The following LETM2 variants were observed in gnomAD, a reference collection of about 807,000 sequenced individuals.
LETM2 encodes the protein LETM1 domain-containing protein LETM2, mitochondrial.
A neutral mutation model predicts 59.6 loss-of-function variants in LETM2; 58 were observed. The ratio of observed to expected loss-of-function variants is 0.97; its 90% confidence interval spans 0.79 to 1.21. LETM2 has a LOEUF of 1.21. LETM2 is among the 50% of genes most tolerant of loss of function. The pLI is 0.00. For missense variants in LETM2, 572 were observed against 575.7 expected (o/e 0.99, Z 0.07); for synonymous variants, 199 against 214.1 (o/e 0.93, Z 0.62).
chr8:38,399,829 CCAGCTATT>C (rs1704981732), intron 4 of LETM2, among the ~76,000 whole-genome samples: 2 of 151,464 alleles, frequency 1.3e-5, no homozygotes, highest in South Asian at 4.2e-4. Context: ...ACCTGTAATC[CCAGCTATT>C]CAGGAGGCTG....
Position 38,404,335 on chromosome 8 carries a change from G to A in LETM2, c.1105-58G>A, listed in dbSNP as rs1813516593. The A allele has an allele frequency of 4.1e-6, 5 of 1,206,118 alleles. No homozygotes were observed. In the South Asian group the frequency reaches 6.3e-5, roughly 15 times the overall value. The allele number at this position is 1,206,118 out of a possible 1,614,324, so 74.7% of individuals were successfully genotyped here. ...TCAGCCAGGGAGGGTAGATGACCGCGGATCACTCTGGCTCTGGTGTTCTGA... is the reference window on the plus strand; with the variant it reads ...TCAGCCAGGGAGGGTAGATGACCGCAGATCACTCTGGCTCTGGTGTTCTGA... On this transcript the variant is annotated intron_variant, in intron 7 of 10. Transcript: ENST00000379957.
chr8:38,403,158 G>A (rs1200739884), intron 7 of LETM2, among the ~76,000 whole-genome samples: 1 of 152,014 alleles, frequency 6.6e-6, no homozygotes, highest in Non-Finnish European at 1.5e-5. Flanking sequence ...AATTTCCCCC[G>A]TGTTTGACCT....
In LETM2 at chr8:38,400,905, T is replaced by A; in HGVS notation, c.836T>A (p.Leu279Gln). Residue 279 changes from leucine to glutamine, a missense_variant, in exon 6 of 11, where the codon CTA (leucine) becomes CAA (glutamine). Transcript: ENST00000379957. ...STKEIVRFSKLFEDQLALEHL... is the reference protein window; with the variant it reads ...STKEIVRFSKQFEDQLALEHL... ...AAGGAGATAGTTCGCTTCTCCAAAC[T>A]ATTTGAGGACCAGCTGGCCCTGGAA... 1 of 1,614,204 alleles carries A rather than the reference T, an allele frequency of 6.2e-7. No homozygotes were observed. Among genetic ancestry groups the A allele is most frequent in the Non-Finnish European group, 8.5e-7 (1 of 1,180,032 alleles).
chr8:38,402,685 T>C (rs1813340328), intron 7 of LETM2, 41 bp downstream of exon 7: 1 of 1,604,880 alleles, frequency 6.2e-7, no homozygotes, highest in Non-Finnish European at 8.5e-7. Context: ...TCCCTAGAAC[T>C]CTCTCCTACA....
At chr8:38,404,548 C>A (rs1358174668) in intron 8 of LETM2, 42 bp downstream of exon 8, 1 of 1,225,432 alleles carries the variant, frequency 8.2e-7, no homozygotes, top group Non-Finnish European at 1.2e-6. Context: ...GTCCATCCAA[C>A]TGAGGCCTCT....
chr8:38,398,140 T>TA (rs5891020), intron 4 of LETM2, among the ~76,000 whole-genome samples: 29,847 of 140,088 alleles, frequency 0.21, 3,241 homozygotes, highest in East Asian at 0.31. Context: ...ATTTTTGTCT[T>TA]AAAAAAAAAA....
upstream of LETM2, among the ~76,000 whole-genome samples, chr8:38,384,571 A>T (rs571248864): frequency 5.6e-4 from 85 of 152,316 alleles, no homozygotes; most frequent in Non-Finnish European, 8.8e-5. Context: ...ATATTTTTTT[A>T]AAAATTTCTC....
chr8:38,402,671 C>T (rs747447773), intron 7 of LETM2, 27 bp downstream of exon 7: 8 of 1,612,228 alleles, frequency 5.0e-6, no homozygotes, highest in East Asian at 2.2e-5. Flanking sequence ...CTCTGGGGTC[C>T]TCTTCCCTAG....
At chr8:38,398,439 A>T (rs1415273310) in intron 4 of LETM2, among the ~76,000 whole-genome samples, 4 of 152,284 alleles carry the variant, frequency 2.6e-5, no homozygotes, top group Non-Finnish European at 4.4e-5. Flanking sequence ...GCTTTGTTCC[A>T]TGGAGAGAGG....
chr8:38,395,055 C>A (rs983637239), intron 4 of LETM2, among the ~76,000 whole-genome samples: 7 of 152,212 alleles, frequency 4.6e-5, no homozygotes, highest in African/African-American at 1.2e-4. Context: ...TTTCATTGCT[C>A]AATTCTTTTT....
chr8:38,388,945 T>C (rs1811993516), intron 2 of LETM2, among the ~76,000 whole-genome samples: 1 of 151,776 alleles, frequency 6.6e-6, no homozygotes, highest in Non-Finnish European at 1.5e-5. Context: ...TTTGTATTTT[T>C]AGTACAGATG....
At chr8:38,407,867 T>C (rs558470019) in intron 10 of LETM2, among the ~76,000 whole-genome samples, 28 of 152,210 alleles carry the variant, frequency 1.8e-4, no homozygotes, top group African/African-American at 2.6e-4. Flanking sequence ...GTTTTCCCAA[T>C]TGGGTGAAGG....
chr8:38,405,265 T>A (rs930309595), intron 8 of LETM2, among the ~76,000 whole-genome samples: 4 of 152,170 alleles, frequency 2.6e-5, no homozygotes, highest in Admixed American at 6.6e-5. Context: ...TTAATCATTT[T>A]TCTTCCTGGT....
At chr8:38,383,099 G>C (rs944606717), upstream of LETM2, 1 of 152,226 alleles carries the variant, frequency 6.6e-6, no homozygotes, top group Non-Finnish European at 1.5e-5. Context: ...CTCCGTGACC[G>C]TCACGTGCCG....
At chr8:38,393,916 A>T (rs1285201355) in intron 3 of LETM2, 182 bp from the exon 4 acceptor site, 12 of 454,330 alleles carry the variant, frequency 2.6e-5, no homozygotes, top group Non-Finnish European at 4.5e-5. Context: ...GCTCCTTGGG[A>T]GGCTGAGGTG....
intron 6 of LETM2, 144 bp downstream of exon 6, chr8:38,401,197 C>G (rs890510685): frequency 3.7e-5 from 25 of 675,186 alleles, no homozygotes; most frequent in Non-Finnish European, 2.5e-5. Context: ...GCTGCAGTGG[C>G]GCAATCCTGG....
At chr8:38,389,205 A>ATT (rs1373521184) in intron 2 of LETM2, among the ~76,000 whole-genome samples, 1 of 150,888 alleles carries the variant, frequency 6.6e-6, no homozygotes, top group African/African-American at 2.5e-5. Context: ...TGTTACCATT[A>ATT]TTTATTTATT....
chr8:38,402,447 C>T, intron 6 of LETM2, 78 bp from the exon 7 acceptor site: 1 of 1,520,046 alleles, frequency 6.6e-7, no homozygotes, highest in South Asian at 1.1e-5. Flanking sequence ...GATTCTGTTT[C>T]CACTGATTTG....
At chr8:38,385,665 G>A (rs185498426), upstream of LETM2, among the ~76,000 whole-genome samples, 61 of 152,220 alleles carry the variant, frequency 4.0e-4, no homozygotes, top group African/African-American at 1.4e-3. Context: ...CAAAGTGCTG[G>A]GATCACAGGC....
Sources: allele counts gnomAD v4.1 joint callset (sites outside exome capture counted in the v4.1 genomes callset), GRCh38; gene constraint gnomAD v4.1.1; transcripts MANE v1.5; gene names NCBI Gene and HGNC (gene_info 2026-07-23, HGNC 2026-07-21).